PCSK5: variants seen among roughly 807,000 people sequenced by gnomAD.
The protein encoded by PCSK5 is proprotein convertase subtilisin/kexin type 5.
PCSK5 carries 129 observed loss-of-function variants against 233.2 expected under a neutral mutation model. The ratio of observed to expected loss-of-function variants is 0.55; its 90% CI spans 0.48 to 0.64. The LOEUF (loss-of-function observed/expected upper bound fraction) is 0.64. Among genes scored for constraint, PCSK5 ranks in the 30% least tolerant of loss-of-function variants. The pLI is 0.00. For synonymous variants in PCSK5, 825 were observed against 879.2 expected, an observed-to-expected ratio of 0.94 and a Z score of 1.09; for missense variants, 2,076 against 2,430.1, an observed-to-expected ratio of 0.85 and a Z score of 3.06.
At chr9:76,180,628 C>T (rs1823821030) in intron 15 of PCSK5, among the ~76,000 whole-genome samples, 1 of 152,138 alleles carries the variant, frequency 6.6e-6, no homozygotes, top group South Asian at 2.1e-4. Flanking sequence ...CCTTCTCCCT[C>T]CTCCTTCAGG....
chr9:76,090,461 G>A (rs1046955567), intron 7 of PCSK5, among the ~76,000 whole-genome samples: 1 of 152,138 alleles, frequency 6.6e-6, no homozygotes, highest in African/African-American at 2.4e-5. Flanking sequence ...AATTCAGTCT[G>A]TTTATTTCTG....
intron 30 of PCSK5, among the ~76,000 whole-genome samples, chr9:76,314,348 G>C (rs563743323): frequency 6.6e-6 from 1 of 151,826 alleles, no homozygotes; most frequent in South Asian, 2.1e-4. Context: ...AGGGTGATCT[G>C]ATTATAGCGG....
At chr9:76,089,245 A>G (rs911659511) in intron 7 of PCSK5, among the ~76,000 whole-genome samples, 2 of 152,148 alleles carry the variant, frequency 1.3e-5, no homozygotes, top group Non-Finnish European at 2.9e-5. Context: ...GAAGAATATC[A>G]AAAAAGATGG....
intron 1 of PCSK5, among the ~76,000 whole-genome samples, chr9:75,906,870 T>C (rs918168690): frequency 1.8e-4 from 27 of 152,164 alleles, no homozygotes; most frequent in African/African-American, 6.5e-4. Flanking sequence ...AGCTAGACCT[T>C]CCTATTGTTC....
chr9:76,062,905 C>T (rs1830080761), intron 5 of PCSK5, among the ~76,000 whole-genome samples: 1 of 152,104 alleles, frequency 6.6e-6, no homozygotes, highest in South Asian at 2.1e-4. Flanking sequence ...TTCCTAATAT[C>T]TGACTGTATT....
At chr9:76,129,304 A>G (rs976305669) in intron 9 of PCSK5, among the ~76,000 whole-genome samples, 1 of 152,186 alleles carries the variant, frequency 6.6e-6, no homozygotes, top group African/African-American at 2.4e-5. Flanking sequence ...TTCATCTTGA[A>G]TTGGTTTTGA....
At chr9:76,173,925 G>T (rs564459383) in intron 13 of PCSK5, among the ~76,000 whole-genome samples, 3 of 152,116 alleles carry the variant, frequency 2.0e-5, no homozygotes, top group African/African-American at 7.2e-5. Context: ...AGTGAGCCTA[G>T]ATCATGCCAT....
chr9:75,908,931 CTCTCTCTCTGTCTATCTATCTATCTA>C (rs1822566836), intron 1 of PCSK5, among the ~76,000 whole-genome samples: 2 of 117,650 alleles, frequency 1.7e-5, no homozygotes, highest in South Asian at 5.3e-4. Context: ...ATCTCTCTAT[CTCTCTCTCTGTCTATCTATCTATCTA>C]TCTATCTATC....
intron 14 of PCSK5, among the ~76,000 whole-genome samples, chr9:76,176,341 G>A (rs142556763): frequency 3.9e-5 from 6 of 152,154 alleles, no homozygotes; most frequent in East Asian, 1.9e-4. Context: ...TTCTGGTTCC[G>A]CCTTTTCTGA....
chr9:76,151,235 G>T (rs1175512244), intron 10 of PCSK5, among the ~76,000 whole-genome samples: 1 of 152,174 alleles, frequency 6.6e-6, no homozygotes, highest in Non-Finnish European at 1.5e-5. Context: ...TGCTAGGACT[G>T]CAACAGCTGC....
chr9:75,979,124 G>A (rs1432269556), intron 2 of PCSK5, among the ~76,000 whole-genome samples: 2 of 152,058 alleles, frequency 1.3e-5, no homozygotes, highest in Admixed American at 1.3e-4. Flanking sequence ...AAAGTGCTGG[G>A]ATTATCGCGT....
chr9:76,038,765 T>A (rs571516029), intron 5 of PCSK5, among the ~76,000 whole-genome samples: 1 of 152,212 alleles, frequency 6.6e-6, no homozygotes, highest in Admixed American at 6.5e-5. Context: ...TGCAGCTCCA[T>A]TGACAACCAT....
chr9:76,202,252 C>T (rs1243204244), intron 20 of PCSK5, among the ~76,000 whole-genome samples: 2 of 152,278 alleles, frequency 1.3e-5, no homozygotes, highest in East Asian at 3.9e-4. Flanking sequence ...ATCTCTTCTG[C>T]CCCTATCCTA....
chr9:76,244,405 T>A (rs564801738), intron 24 of PCSK5, among the ~76,000 whole-genome samples: 8 of 152,262 alleles, frequency 5.3e-5, no homozygotes, highest in African/African-American at 1.9e-4. Flanking sequence ...AGGGACATCA[T>A]CCTTTGGAGA....
chr9:76,255,947 C>T (rs1319558865), intron 24 of PCSK5, among the ~76,000 whole-genome samples: 2 of 152,186 alleles, frequency 1.3e-5, no homozygotes, highest in Non-Finnish European at 2.9e-5. Context: ...GAGCCAAATT[C>T]AGACTTAGGA....
At chr9:76,006,160 A>G (rs1827470118) in intron 3 of PCSK5, among the ~76,000 whole-genome samples, 1 of 151,008 alleles carries the variant, frequency 6.6e-6, no homozygotes, top group Non-Finnish European at 1.5e-5. Flanking sequence ...CTTTGCCCCA[A>G]CTCTTTATTC....
rs752898681 is a variant in PCSK5 at position 76,188,548 on chromosome 9, T to C, written c.2283-30T>C. The C allele has an allele frequency of 4.8e-6, 7 of 1,472,350 alleles. No homozygotes were observed. The Admixed American group carries it at 6.7e-5, about 14-fold the overall frequency. 91.2% of individuals were successfully genotyped at this position (1,472,350 alleles called of 1,614,324 possible). On this transcript the variant is annotated intron_variant, in intron 17 of 37. Coordinates refer to ENST00000674117, the MANE Select transcript of PCSK5 (RefSeq NM_001372043.1). ...ACGTTTTGGCCTCATCACAACAGTC[T>C]GTTTGAAGCTCCCTTTATACTTCTT...
At chr9:76,272,903 A>G (rs1270737330) in intron 24 of PCSK5, among the ~76,000 whole-genome samples, 2 of 151,680 alleles carry the variant, frequency 1.3e-5, no homozygotes. Flanking sequence ...TGCTTCTCCA[A>G]GCATTTCTAC....
chr9:76,141,706 G>A (rs765768983), intron 10 of PCSK5, among the ~76,000 whole-genome samples: 3 of 151,978 alleles, frequency 2.0e-5, no homozygotes. Flanking sequence ...GTAGGCTTTC[G>A]TATAAATTAA....
Sources: gnomAD v4.1 joint callset for allele counts (sites outside exome capture counted in the v4.1 genomes callset) on GRCh38, gnomAD v4.1.1 for gene constraint, MANE v1.5 for transcripts, NCBI Gene and HGNC (gene_info 2026-07-23, HGNC 2026-07-21) for gene names.